The following PCGF2 variants were observed in gnomAD, a reference collection of about 807,000 sequenced individuals.
PCGF2 encodes the protein polycomb group RING finger protein 2.
In PCGF2, 8 loss-of-function variants were observed where a neutral mutation model predicts 36.1. The ratio of observed to expected loss-of-function variants is 0.22; its 90% CI spans 0.13 to 0.40. The LOEUF is 0.40. PCGF2 is among the 10% of genes least tolerant of loss of function. PCGF2 has a pLI of 1.00. For missense variants in PCGF2, 436 were observed against 475.9 expected (o/e 0.92, Z 0.78); for synonymous variants, 198 against 191.2 (o/e 1.04, Z -0.29).
intron 2 of PCGF2, among the ~76,000 whole-genome samples, chr17:38,747,064 G>T (rs542667571): frequency 1.1e-4 from 17 of 152,246 alleles, no homozygotes; most frequent in African/African-American, 4.1e-4. Context: ...CAGCATGGGG[G>T]ACACTGAGGG....
chr17:38,744,345 TTCTC>T (rs927978758), intron 2 of PCGF2, among the ~76,000 whole-genome samples: 16 of 151,848 alleles, frequency 1.1e-4, no homozygotes, highest in South Asian at 4.2e-4. Flanking sequence ...CACCATCTCT[TTCTC>T]TCTCTCTCTT....
intron 2 of PCGF2, among the ~76,000 whole-genome samples, chr17:38,742,246 G>A (rs1907250043): frequency 6.6e-6 from 1 of 152,078 alleles, no homozygotes; most frequent in South Asian, 2.1e-4. Flanking sequence ...GGCTTGGGAG[G>A]GTGGCCAAGC....
chr17:38,745,317 G>A (rs932557247), intron 2 of PCGF2, among the ~76,000 whole-genome samples: 1 of 152,170 alleles, frequency 6.6e-6, no homozygotes, highest in African/African-American at 2.4e-5. Context: ...GGGCAACAGA[G>A]CGAGACTCTG....
intron 9 of PCGF2, 111 bp from the exon 10 acceptor site, chr17:38,736,281 C>T (rs1906715721): frequency 4.3e-6 from 3 of 703,436 alleles, no homozygotes; most frequent in African/African-American, 1.8e-5. Context: ...TACAGATGGT[C>T]CCTTATTTCT....
At chr17:38,736,642 G>A (rs1906760853) in intron 9 of PCGF2, among the ~76,000 whole-genome samples, 1 of 151,956 alleles carries the variant, frequency 6.6e-6, no homozygotes, top group Non-Finnish European at 1.5e-5. Flanking sequence ...AGACCATCCT[G>A]GCTAACGTGG....
At position 38,735,112 on chromosome 17, in the gene PCGF2, C is replaced by A. The variant is rs1272321040; in HGVS notation, c.*111G>T. The A allele has an allele frequency of 2.5e-6, 2 of 813,576 alleles. No homozygotes were observed. Among genetic ancestry groups the A allele is most frequent in the African/African-American group, 3.6e-5 (2 of 56,332 alleles). 50.4% of individuals were successfully genotyped at this position (813,576 alleles called of 1,614,324 possible). A position where few individuals can be genotyped will look rare whatever the true frequency, so the allele number is the denominator to read the frequency against. On this transcript the variant is annotated 3_prime_UTR_variant, in exon 11 of 11. Transcript: ENST00000620225. ...ATATTTATTTATAAAACCCGCCCCC[C>A]ACCCCCAAGGTGGGAAGAGCTGGGG... is the stretch of plus-strand genomic sequence containing the variant.
intron 2 of PCGF2, among the ~76,000 whole-genome samples, chr17:38,742,445 G>A (rs949714320): frequency 1.3e-5 from 2 of 152,206 alleles, no homozygotes; most frequent in Admixed American, 6.5e-5. Flanking sequence ...GCCAGAGACC[G>A]AAAGAGATGC....
chr17:38,739,804 C>T lies in PCGF2; in HGVS notation c.113-122G>A. 2.7e-6 allele frequency: 2 copies of T among 745,302 alleles called. No individual in the cohort carries two copies. The highest frequency in any genetic ancestry group is 2.4e-6 in the Non-Finnish European group (1 of 415,296). 46.2% of individuals were successfully genotyped at this position (745,302 alleles called of 1,614,324 possible). ...TCCACCCTGTCCCTGCTCCGAGGCC[C>T]AATGTGGCGATGTGTGTTCTGCACG... On this transcript the variant is annotated intron_variant, in intron 3 of 10. Coordinates refer to ENST00000620225, the MANE Select transcript of PCGF2 (RefSeq NM_007144.3). This position sits in a 1 kb window ranked among gnomAD's most constrained non-coding sequence, Gnocchi z 4.0.
At chr17:38,740,200 G>A in intron 3 of PCGF2, 91 bp downstream of exon 3, 2 of 1,175,424 alleles carry the variant, frequency 1.7e-6, no homozygotes, top group South Asian at 2.6e-5. Context: ...TTTAGGGCAA[G>A]GGTTTGCGTG....
Sources: gnomAD v4.1 joint callset for allele counts (sites outside exome capture counted in the v4.1 genomes callset) on GRCh38, gnomAD v4.1.1 for gene constraint, Gnocchi (gnomAD v3.1) non-coding constraint, MANE v1.5 for transcripts, NCBI Gene and HGNC (gene_info 2026-07-23, HGNC 2026-07-21) for gene names.